Variants in DOCK3 observed in about 807,000 individuals in gnomAD.
DOCK3 encodes dedicator of cytokinesis protein 3.
A neutral mutation model predicts 265.6 loss-of-function variants in DOCK3; 60 were observed. The ratio of observed to expected loss-of-function variants is 0.23; its 90% CI spans 0.18 to 0.28. DOCK3 has a LOEUF of 0.28. DOCK3 is among the 10% of genes least tolerant of loss of function. The pLI is 1.00. For missense variants in DOCK3, 1,981 were observed against 2,594.3 expected (o/e 0.76, Z 5.14); for synonymous variants, 881 against 938.0 (o/e 0.94, Z 1.11).
chr3:51,146,591 G>C lies in DOCK3; in HGVS notation c.789G>C (p.Arg263Ser). ...LVRLNKNGGP[R>S]NPEKIERMCA... ...GACTGAACAAGAATGGTGGGCCGAG[G>C]AACCCAGAGAAGATAGAACGAATGT... The change falls in exon 10 of 53, where the codon AGG (arginine) becomes AGC (serine). Residue 263 changes from arginine (R) to serine (S), a missense_variant. Physicochemically the swap from Arg to Ser is moderately radical, Grantham distance 110 (BLOSUM62 -1). Coordinates refer to ENST00000266037, the MANE Select transcript of DOCK3 (RefSeq NM_004947.5). 6.3e-7 allele frequency: 1 copy of C among 1,599,024 alleles called. No individual in the cohort carries two copies.
chr3:50,823,521 T>A (rs2044576050), intron 2 of DOCK3, among the ~76,000 whole-genome samples: 1 of 152,220 alleles, frequency 6.6e-6, no homozygotes, highest in Non-Finnish European at 1.5e-5. Context: ...GGCAGAAGAA[T>A]TTTTCTTAGT....
chr3:50,686,183 G>T (rs1391758678), intron 1 of DOCK3, among the ~76,000 whole-genome samples: 3 of 151,904 alleles, frequency 2.0e-5, no homozygotes, highest in Non-Finnish European at 4.4e-5. Flanking sequence ...CCATCTGGGG[G>T]TGACGGAAGG....
At chr3:51,292,189 G>A (rs1001431921) in intron 27 of DOCK3, among the ~76,000 whole-genome samples, 3 of 152,104 alleles carry the variant, frequency 2.0e-5, no homozygotes, top group African/African-American at 7.2e-5. Context: ...AACAAGACAG[G>A]GATGCCCACT....
chr3:50,970,970 A>G (rs1452945286), intron 5 of DOCK3, among the ~76,000 whole-genome samples: 8 of 27,894 alleles, frequency 2.9e-4, no homozygotes, highest in African/African-American at 5.4e-4. Context: ...GTGTGTGTAT[A>G]TATATATATT....
At chr3:51,043,870 A>C (rs1575861478) in intron 5 of DOCK3, among the ~76,000 whole-genome samples, 1 of 152,302 alleles carries the variant, frequency 6.6e-6, no homozygotes, top group East Asian at 1.9e-4. Context: ...TCAAAACCAC[A>C]ATGAGACACC....
At chr3:51,252,059 C>T (rs531990179) in intron 22 of DOCK3, among the ~76,000 whole-genome samples, 1 of 152,264 alleles carries the variant, frequency 6.6e-6, no homozygotes, top group South Asian at 2.1e-4. Context: ...GGAAGGGATC[C>T]AGTTTCAGCT....
chr3:51,333,307 C>G (rs1209137429), intron 35 of DOCK3, 54 bp downstream of exon 35: 1 of 1,553,106 alleles, frequency 6.4e-7, no homozygotes, highest in African/African-American at 1.4e-5. Flanking sequence ...CTCTCTCTGG[C>G]AAGGGAATCC....
At chr3:51,180,225 A>AAC (rs1553780899) in intron 12 of DOCK3, among the ~76,000 whole-genome samples, 60 of 145,572 alleles carry the variant, frequency 4.1e-4, no homozygotes, top group African/African-American at 6.1e-4. Context: ...AAAAAAAAAA[A>AAC]ACACACACAC....
chr3:50,778,384 A>G (rs2041729208), intron 1 of DOCK3, among the ~76,000 whole-genome samples: 1 of 152,204 alleles, frequency 6.6e-6, no homozygotes, highest in Non-Finnish European at 1.5e-5. Flanking sequence ...ACACTTGAAC[A>G]CAGGATATCC....
At chr3:50,683,359 A>G (rs2034545938) in intron 1 of DOCK3, among the ~76,000 whole-genome samples, 1 of 152,224 alleles carries the variant, frequency 6.6e-6, no homozygotes, top group South Asian at 2.1e-4. Flanking sequence ...AGATATTACT[A>G]TATTTTCTTT....
intron 5 of DOCK3, among the ~76,000 whole-genome samples, chr3:51,058,299 A>C (rs1185218220): frequency 6.6e-6 from 1 of 152,184 alleles, no homozygotes; most frequent in Non-Finnish European, 1.5e-5. Flanking sequence ...CTGTGGGAAA[A>C]TAGATTCCAT....
chr3:51,365,320 T>G (rs1212777808), intron 49 of DOCK3, among the ~76,000 whole-genome samples: 3 of 152,232 alleles, frequency 2.0e-5, no homozygotes, highest in Non-Finnish European at 1.5e-5. Context: ...TGCTTGTGAT[T>G]TTTGCACATT....
At position 51,037,184 on chromosome 3, in the gene DOCK3, A is replaced by T. The variant is rs181846987; in HGVS notation, c.316-27264A>T. Among the ~76,000 whole-genome samples, 44 of 152,332 alleles carry T rather than the reference A, an allele frequency of 2.9e-4. No individual in the cohort carries two copies. The Middle Eastern group carries it at 0.01, about 35-fold the overall frequency. ...AAATAATATAGGTACAGTTTAAAAA[A>T]ATATAATGCAAACAGCTGTGTAACA... On this transcript the variant is annotated intron_variant, in intron 5 of 52. Transcript: ENST00000266037.
At chr3:51,016,553 A>AATATATGATATATATT (rs2079261573) in intron 5 of DOCK3, among the ~76,000 whole-genome samples, 2 of 1,790 alleles carry the variant, frequency 1.1e-3, no homozygotes, top group African/African-American at 9.8e-3. Context: ...ATATTTATAT[A>AATATATGATATATATT]TATCATATAT....
At chr3:51,049,264 T>G (rs4574329) in intron 5 of DOCK3, among the ~76,000 whole-genome samples, 3 of 151,904 alleles carry the variant, frequency 2.0e-5, no homozygotes, top group African/African-American at 4.8e-5. Context: ...AGGTGGCGAT[T>G]GCAGTGAGCT....
chr3:51,195,520 T>A (rs972795777), intron 12 of DOCK3, among the ~76,000 whole-genome samples: 1 of 152,114 alleles, frequency 6.6e-6, no homozygotes, highest in Non-Finnish European at 1.5e-5. Flanking sequence ...GTTCAACTGA[T>A]TCTCCTGCCA....
intron 43 of DOCK3, among the ~76,000 whole-genome samples, 188 bp downstream of exon 43, chr3:51,356,681 C>A (rs771044151): frequency 1.3e-5 from 2 of 152,180 alleles, no homozygotes; most frequent in Non-Finnish European, 2.9e-5. Context: ...CACCCCTGAG[C>A]AGCAGGTATT....
chr3:50,743,188 A>G (rs1275902710), intron 1 of DOCK3, among the ~76,000 whole-genome samples: 1 of 148,658 alleles, frequency 6.7e-6, no homozygotes. Flanking sequence ...AGCTCCTTGA[A>G]GGAAGCACTA....
chr3:50,905,370 G>A (rs1359012330), intron 4 of DOCK3, among the ~76,000 whole-genome samples: 9 of 152,004 alleles, frequency 5.9e-5, no homozygotes, highest in Non-Finnish European at 1.2e-4. Flanking sequence ...CCATTTTCAC[G>A]ATATTGCTTC....
Sources: allele counts gnomAD v4.1 joint callset (sites outside exome capture counted in the v4.1 genomes callset), GRCh38; gene constraint gnomAD v4.1.1; transcripts MANE v1.5; gene names NCBI Gene and HGNC (gene_info 2026-07-23, HGNC 2026-07-21).